SLC48A1: variants seen among roughly 807,000 people sequenced by gnomAD.
The protein encoded by SLC48A1 is solute carrier family 48 member 1, also known as heme transporter HRG1.
Under a neutral mutation model 14.8 loss-of-function variants are expected in SLC48A1, and 6 were observed. The ratio of observed to expected loss-of-function variants is 0.41; its 90% confidence interval spans 0.22 to 0.80. SLC48A1 has a LOEUF of 0.80. Ranked by LOEUF, SLC48A1 falls within the 30% of genes least tolerant of loss-of-function variation. The pLI, the probability that SLC48A1 is intolerant of heterozygous loss-of-function variation, is 0.34. For synonymous variants in SLC48A1, 89 were observed against 90.0 expected, an observed-to-expected ratio of 0.99 and a Z score of 0.06; for missense variants, 165 against 204.8, an observed-to-expected ratio of 0.81 and a Z score of 1.19.
rs1349107453 is a variant in SLC48A1, at chr12:47,782,591, G to A, written c.*2310G>A. 6.6e-6 allele frequency: 1 copy of A among 152,256 alleles called. No individual in the cohort carries two copies. The highest frequency in any genetic ancestry group is 1.5e-5 in the Non-Finnish European group (1 of 68,068). 9.4% of individuals were successfully genotyped at this position (152,256 alleles called of 1,614,324 possible). A position where few individuals can be genotyped will look rare whatever the true frequency, so the allele number is the denominator to read the frequency against. On this transcript the variant is annotated 3_prime_UTR_variant, in exon 3 of 3. Transcript: ENST00000442218. ...GGCAGGAAGGGCAGATTGTTAAAGGGGCTGCGGCCCAGACCACCCTGGTCC... is the reference window on the plus strand; with the variant it reads ...GGCAGGAAGGGCAGATTGTTAAAGGAGCTGCGGCCCAGACCACCCTGGTCC...
upstream of SLC48A1, chr12:47,758,043 GCCCA>G (rs577376634): frequency 4.1e-3 from 6,399 of 1,573,692 alleles, 16 homozygotes; most frequent in Non-Finnish European, 5.2e-3. Flanking sequence ...CCACAGCCAG[GCCCA>G]CCTGCCAGCA....
At position 47,780,146 on chromosome 12, in the gene SLC48A1, C is replaced by A. The variant is rs755929249; in HGVS notation, c.306C>A (p.Ser102Arg). 8 of 1,587,938 alleles carry A rather than the reference C, an allele frequency of 5.0e-6. No individual in the cohort carries two copies. The highest frequency in any genetic ancestry group is 1.7e-4 in the Middle Eastern group (1 of 5,986). Residue 102 changes from serine to arginine, a missense_variant and splice_region_variant, in exon 3 of 3, where the codon AGC (serine) becomes AGA (arginine). Ser to Arg is a moderately radical substitution (Grantham distance 110). Coordinates refer to ENST00000442218, the MANE Select transcript of SLC48A1 (RefSeq NM_017842.3). ...FLVLAITRHQSLTDPTSYYLS... is the reference protein window; with the variant it reads ...FLVLAITRHQRLTDPTSYYLS... ...CTGTCGGTACTTCTCTCCCTGCAGGCCTCACAGACCCCACCAGCTACTACC... is the reference window on the plus strand; with the variant it reads ...CTGTCGGTACTTCTCTCCCTGCAGGACTCACAGACCCCACCAGCTACTACC...
upstream of SLC48A1, chr12:47,770,970 C>G (rs1942617584): frequency 2.2e-6 from 1 of 455,926 alleles, no homozygotes; most frequent in Admixed American, 2.3e-5. Context: ...TGGAAATGCA[C>G]TCCGGACCAC....
At chr12:47,773,514 CTCCCCGCGAGCGGCGCT>C (rs1385173235) in intron 1 of SLC48A1, 74 bp downstream of exon 1, 15 of 1,244,722 alleles carry the variant, frequency 1.2e-5, no homozygotes, top group Admixed American at 4.4e-5. Context: ...CTCCAGGACG[CTCCCCGCGAGCGGCGCT>C]TCCCCGCGGA....
upstream of SLC48A1, chr12:47,758,553 T>C: frequency 6.2e-7 from 1 of 1,613,240 alleles, no homozygotes; most frequent in Non-Finnish European, 8.5e-7. Flanking sequence ...TTACCCACCT[T>C]CATGTTTCTT....
chr12:47,758,747 T>C, intron 1 of SLC48A1: 1 of 1,242,764 alleles, frequency 8.0e-7, no homozygotes, highest in Non-Finnish European at 1.0e-6. Flanking sequence ...GAGAGGCTCC[T>C]CTTGGGTGAG....
intron 1 of SLC48A1, among the ~76,000 whole-genome samples, chr12:47,773,770 C>T (rs1328717405): frequency 6.6e-6 from 1 of 152,184 alleles, no homozygotes; most frequent in Non-Finnish European, 1.5e-5. Context: ...GACAGTGTCC[C>T]CTCCGCGCGC....
upstream of SLC48A1, chr12:47,757,767 A>G (rs1942170239): frequency 8.3e-7 from 1 of 1,211,464 alleles, no homozygotes; most frequent in East Asian, 2.6e-5. Context: ...GTACACCCCC[A>G]GAGCAAGCTG....
At chr12:47,765,354 G>A (rs766829694) in intron 2 of SLC48A1, among the ~76,000 whole-genome samples, 1 of 152,242 alleles carries the variant, frequency 6.6e-6, no homozygotes, top group African/African-American at 2.4e-5. Context: ...GCGGGGGATA[G>A]AGAGGCAGCC....
chr12:47,756,249 G>A (rs1319588112), upstream of SLC48A1: 1 of 152,230 alleles, frequency 6.6e-6, no homozygotes. Flanking sequence ...GGTCCCAGGA[G>A]ATCCTCCAGT....
chr12:47,757,969 G>A (rs574937207), upstream of SLC48A1: 26 of 1,563,764 alleles, frequency 1.7e-5, no homozygotes, highest in Admixed American at 3.8e-5. Context: ...GTTGAGTAGT[G>A]TCCCCTCCGG....
intron 2 of SLC48A1, among the ~76,000 whole-genome samples, chr12:47,766,316 C>T (rs1324967625): frequency 6.6e-6 from 1 of 152,088 alleles, no homozygotes; most frequent in South Asian, 2.1e-4. Context: ...CCCCTCCTGC[C>T]CTCAAGCCTT....
intron 2 of SLC48A1, among the ~76,000 whole-genome samples, chr12:47,762,109 C>T (rs1942393758): frequency 6.6e-6 from 1 of 152,102 alleles, no homozygotes; most frequent in Non-Finnish European, 1.5e-5. Context: ...ACAGCAGGAC[C>T]CCTTAATACA....
At chr12:47,760,593 T>C (rs2136840502) in intron 2 of SLC48A1, among the ~76,000 whole-genome samples, 1 of 142,236 alleles carries the variant, frequency 7.0e-6, no homozygotes, top group Admixed American at 7.0e-5. Context: ...GGCAGGACAC[T>C]TGTATACATT....
At chr12:47,764,016 C>T (rs1036247014) in intron 2 of SLC48A1, among the ~76,000 whole-genome samples, 16 of 152,174 alleles carry the variant, frequency 1.1e-4, no homozygotes, top group Non-Finnish European at 1.6e-4. Flanking sequence ...CAGGCGAAGA[C>T]GGGCAGGGCT....
At chr12:47,761,648 C>G (rs985121831) in intron 2 of SLC48A1, among the ~76,000 whole-genome samples, 1 of 152,186 alleles carries the variant, frequency 6.6e-6, no homozygotes, top group African/African-American at 2.4e-5. Flanking sequence ...GGGAATGTGT[C>G]TGAGGAACAC....
At chr12:47,770,571 T>A (rs1463638961), upstream of SLC48A1, among the ~76,000 whole-genome samples, 1 of 152,226 alleles carries the variant, frequency 6.6e-6, no homozygotes, top group Admixed American at 6.5e-5. Context: ...TTGAAGTAGG[T>A]GTTACTGCAG....
At chr12:47,758,864 T>A in intron 1 of SLC48A1, 1 of 1,170,906 alleles carries the variant, frequency 8.5e-7, no homozygotes, top group Non-Finnish European at 1.1e-6. Context: ...CACCGGGCGC[T>A]GAAGCAAGGC....
rs142306139 is a variant in SLC48A1, at chr12:47,774,528, T to C, written c.136+1088T>C. ...ATACGTATAATACTTTTACATATGA[T>C]GATTATATTCCATTACTAAAATCCT... is the stretch of plus-strand genomic sequence containing the variant. On this transcript the variant is annotated intron_variant, in intron 1 of 2. Coordinates refer to ENST00000442218, the MANE Select transcript of SLC48A1 (RefSeq NM_017842.3). 4.6e-5 allele frequency among the ~76,000 whole-genome samples: 7 copies of C among 152,320 alleles called. No individual in the cohort carries two copies. In the East Asian group the frequency reaches 1.3e-3, roughly 29 times the overall value.
Sources: allele counts gnomAD v4.1 joint callset (sites outside exome capture counted in the v4.1 genomes callset), GRCh38; gene constraint gnomAD v4.1.1; transcripts MANE v1.5; gene names NCBI Gene and HGNC (gene_info 2026-07-23, HGNC 2026-07-21).